AMOTL1: variants seen among roughly 807,000 people sequenced by gnomAD.
The protein encoded by AMOTL1 is angiomotin like 1, also known as angiomotin-like protein 1.
Under a neutral mutation model 102.9 loss-of-function variants are expected in AMOTL1, and 45 were observed. That is an observed-to-expected ratio of 0.44 (90% CI 0.34 to 0.56). AMOTL1 has a LOEUF of 0.56. Ranked by LOEUF, AMOTL1 falls within the 20% of genes least tolerant of loss-of-function variation. The pLI, the probability that AMOTL1 is intolerant of heterozygous loss-of-function variation, is 0.01. For missense variants in AMOTL1, 1,114 were observed against 1,225.6 expected (o/e 0.91, Z 1.36); for synonymous variants, 481 against 484.7 (o/e 0.99, Z 0.10).
chr11:94,739,627 G>A (rs1950487847), intron 2 of AMOTL1, among the ~76,000 whole-genome samples: 2 of 152,130 alleles, frequency 1.3e-5, no homozygotes, highest in African/African-American at 4.8e-5. Context: ...AGGCCCCCAG[G>A]AGGCTGCCCA....
At chr11:94,810,601 C>T (rs1247926341) in intron 3 of AMOTL1, among the ~76,000 whole-genome samples, 1 of 151,782 alleles carries the variant, frequency 6.6e-6, no homozygotes, top group Non-Finnish European at 1.5e-5. Flanking sequence ...CTTGGGGTTC[C>T]ATAAGGAAAA....
chr11:94,797,466 A>G (rs1171987402), intron 2 of AMOTL1, among the ~76,000 whole-genome samples: 4 of 152,222 alleles, frequency 2.6e-5, no homozygotes, highest in Non-Finnish European at 5.9e-5. Context: ...GGAGACCCAG[A>G]TGCGAAGACA....
At position 94,870,604 on chromosome 11, in the gene AMOTL1, C is replaced by T. The variant is rs796957213; in HGVS notation, c.2765-85C>T. The stretch of plus-strand genomic sequence containing the variant: ...GAGAATCCTGGGTGTGCAGTGGTAT[C>T]GGACGTGGGTCCATTTTAGAGAACC... On this transcript the variant is annotated intron_variant, in intron 12 of 12. Coordinates refer to ENST00000433060, the MANE Select transcript of AMOTL1 (RefSeq NM_130847.3). 40 of 982,278 alleles carry T rather than the reference C, an allele frequency of 4.1e-5. No individual in the cohort carries two copies. The African/African-American group carries it at 4.7e-4, about 12-fold the overall frequency. The allele number at this position is 982,278 out of a possible 1,614,324, so 60.8% of individuals were successfully genotyped here. A position where few individuals can be genotyped will look rare whatever the true frequency, so the allele number is the denominator to read the frequency against.
intron 1 of AMOTL1, among the ~76,000 whole-genome samples, chr11:94,707,250 C>CTCTCTCTCTCTCTGTG (rs1338023479): frequency 2.8e-5 from 2 of 71,712 alleles, no homozygotes; most frequent in Admixed American, 1.6e-4. Context: ...CTCTCTCTCT[C>CTCTCTCTCTCTCTGTG]TGTGTGTGTG....
Position 94,865,469 on chromosome 11 carries a change from A to T in AMOTL1, c.2262-473A>T, listed in dbSNP as rs1469075158. Among the ~76,000 whole-genome samples, 3 of 152,320 alleles carry T rather than the reference A, an allele frequency of 2.0e-5. No homozygotes were observed. In the East Asian group the frequency reaches 5.8e-4, roughly 29 times the overall value. On this transcript the variant is annotated intron_variant, in intron 10 of 12. Coordinates refer to ENST00000433060, the MANE Select transcript of AMOTL1 (RefSeq NM_130847.3). Reference sequence around the variant, plus strand: ...AGTGAGTTACTATCAAAGTTGTGAAAATAACTCAGCATTCTTCCAGAAAAA... The same window carrying T: ...AGTGAGTTACTATCAAAGTTGTGAATATAACTCAGCATTCTTCCAGAAAAA...
Position 94,840,654 on chromosome 11 carries a change from G to GTATA in AMOTL1, c.1648+9138_1648+9141dup, listed in dbSNP as rs551220386. ...CATTCAGAGGGGCCACTTAAAAAAC[G>GTATA]TATATATATATATATATATATATAT... On this transcript the variant is annotated intron_variant, in intron 6 of 12. Transcript: ENST00000433060. Among the ~76,000 whole-genome samples the GTATA allele has an allele frequency of 4.3e-3, 478 of 111,214 alleles. 3 individuals are homozygous for GTATA. Among genetic ancestry groups the GTATA allele is most frequent in the African/African-American group, 9.9e-3 (247 of 24,948 alleles). 73.0% of individuals were successfully genotyped at this position (111,214 alleles called of 152,430 possible).
intron 1 of AMOTL1, among the ~76,000 whole-genome samples, chr11:94,771,199 T>C (rs1422936768): frequency 6.9e-6 from 1 of 144,082 alleles, no homozygotes; most frequent in Non-Finnish European, 1.5e-5. Flanking sequence ...TGCTAATATT[T>C]CTGATATATA....
Position 94,840,654 on chromosome 11 carries a change from GTATA to G in AMOTL1, c.1648+9138_1648+9141del, listed in dbSNP as rs551220386. 5.9e-3 allele frequency among the ~76,000 whole-genome samples: 660 copies of G among 111,250 alleles called. 9 individuals carry two copies. The highest frequency in any genetic ancestry group is 0.021 in the African/African-American group (519 of 24,970). 73.0% of individuals were successfully genotyped at this position (111,250 alleles called of 152,430 possible). On this transcript the variant is annotated intron_variant, in intron 6 of 12. Transcript: ENST00000433060. ...CATTCAGAGGGGCCACTTAAAAAAC[GTATA>G]TATATATATATATATATATATATAC... is the stretch of plus-strand genomic sequence containing the variant.
At chr11:94,769,922 A>G (rs1295508399) in intron 1 of AMOTL1, among the ~76,000 whole-genome samples, 3 of 152,210 alleles carry the variant, frequency 2.0e-5, no homozygotes, top group African/African-American at 7.2e-5. Context: ...CTTTCGGCTA[A>G]CCAAAGCAGT....
intron 3 of AMOTL1, among the ~76,000 whole-genome samples, chr11:94,801,280 T>A (rs777797842): frequency 9.9e-5 from 15 of 152,046 alleles, no homozygotes; most frequent in African/African-American, 1.4e-4. Context: ...GTCATGAGGA[T>A]TTTTGTCTGG....
At chr11:94,846,429 G>A (rs1952412756) in intron 6 of AMOTL1, among the ~76,000 whole-genome samples, 1 of 152,194 alleles carries the variant, frequency 6.6e-6, no homozygotes, top group Admixed American at 6.5e-5. Flanking sequence ...GTACTATTGT[G>A]ATGCTTACTT....
chr11:94,857,876 C>T (rs988198308), intron 8 of AMOTL1, among the ~76,000 whole-genome samples: 3 of 151,956 alleles, frequency 2.0e-5, no homozygotes, highest in South Asian at 2.1e-4. Context: ...GCTGAATGGG[C>T]GGCAGTAGCT....
At chr11:94,768,311 T>A, upstream of AMOTL1, 2 of 1,366,910 alleles carry the variant, frequency 1.5e-6, no homozygotes, top group Non-Finnish European at 1.9e-6. Context: ...CGGGCGACCC[T>A]CCCCGGCCCG....
At chr11:94,720,445 T>G (rs1950158296) in intron 1 of AMOTL1, among the ~76,000 whole-genome samples, 1 of 151,942 alleles carries the variant, frequency 6.6e-6, no homozygotes, top group South Asian at 2.1e-4. Flanking sequence ...CTCACCGGAG[T>G]CTTTCAAACG....
At chr11:94,751,131 A>ACTTATT (rs1950648749) in intron 3 of AMOTL1, among the ~76,000 whole-genome samples, 1 of 152,224 alleles carries the variant, frequency 6.6e-6, no homozygotes, top group South Asian at 2.1e-4. Context: ...AATATGTTAA[A>ACTTATT]GTATCCAGCA....
At chr11:94,859,211 C>G (rs1464387496) in intron 8 of AMOTL1, among the ~76,000 whole-genome samples, 1 of 152,212 alleles carries the variant, frequency 6.6e-6, no homozygotes, top group Non-Finnish European at 1.5e-5. Flanking sequence ...CAAGCCACTT[C>G]TTGTCATGCA....
At chr11:94,730,003 T>C (rs1041910041) in intron 2 of AMOTL1, among the ~76,000 whole-genome samples, 5 of 152,106 alleles carry the variant, frequency 3.3e-5, no homozygotes, top group South Asian at 2.1e-4. Flanking sequence ...CACAATGAGA[T>C]AGTCGCCAAA....
Position 94,795,080 on chromosome 11 carries a change from C to G in AMOTL1, c.119C>G (p.Pro40Arg), listed in dbSNP as rs1282181665. The G allele has an allele frequency of 6.2e-7, 1 of 1,613,852 alleles. No individual in the cohort carries two copies. The highest frequency in any genetic ancestry group is 1.7e-5 in the Admixed American group (1 of 60,012). ...CTAGAAGACTCCACCTACTTTTCCC[C>G]AGACTTTCAGCTCTATTCTGGGAGG... ...QVLEDSTYFSPDFQLYSGRHE... is the reference protein window; with the variant it reads ...QVLEDSTYFSRDFQLYSGRHE... Residue 40 changes from proline (P) to arginine (R), a missense_variant, in exon 2 of 13, where the codon CCA becomes CGA. Pro to Arg is a moderately radical substitution (Grantham distance 103). Coordinates refer to ENST00000433060, the MANE Select transcript of AMOTL1 (RefSeq NM_130847.3).
At chr11:94,829,716 A>G (rs2135658097) in intron 4 of AMOTL1, among the ~76,000 whole-genome samples, 1 of 152,334 alleles carries the variant, frequency 6.6e-6, no homozygotes, top group Non-Finnish European at 1.5e-5. Flanking sequence ...GGGAATAATC[A>G]TAATAGCTAT....
Sources: gnomAD v4.1 joint callset for allele counts (sites outside exome capture counted in the v4.1 genomes callset) on GRCh38, gnomAD v4.1.1 for gene constraint, MANE v1.5 for transcripts, NCBI Gene and HGNC (gene_info 2026-07-23, HGNC 2026-07-21) for gene names.